The following AUTS2 variants were observed in gnomAD, a reference collection of about 807,000 sequenced individuals.
AUTS2 encodes activator of transcription and developmental regulator AUTS2, also known as autism susceptibility gene 2 protein.
AUTS2 carries 17 observed loss-of-function variants against 112.4 expected under a neutral mutation model. That is an observed-to-expected ratio of 0.15 (90% CI 0.10 to 0.23). AUTS2 has a LOEUF of 0.23. AUTS2 is among the 10% of genes least tolerant of loss of function. AUTS2 has a pLI of 1.00. For synonymous variants in AUTS2, 751 were observed against 702.7 expected, an observed-to-expected ratio of 1.07 and a Z score of -1.09; for missense variants, 1,510 against 1,701.6, an observed-to-expected ratio of 0.89 and a Z score of 1.98.
chr7:70,560,816 G>A (rs1016829725), intron 5 of AUTS2, among the ~76,000 whole-genome samples: 21 of 152,264 alleles, frequency 1.4e-4, no homozygotes, highest in African/African-American at 9.6e-5. Flanking sequence ...CTGAAACAAC[G>A]TGTAATAATC....
At chr7:70,762,719 C>T (rs1172645507) in intron 6 of AUTS2, 151 bp from the exon 7 acceptor site, 63 of 689,306 alleles carry the variant, frequency 9.1e-5, no homozygotes, top group Middle Eastern at 4.2e-4. Context: ...CGCATACCCC[C>T]GCAGGTGGTG....
At chr7:70,282,917 C>G (rs2129610779) in intron 4 of AUTS2, among the ~76,000 whole-genome samples, 1 of 152,236 alleles carries the variant, frequency 6.6e-6, no homozygotes. Flanking sequence ...GCATTGCTAC[C>G]TCTTTAAACA....
At chr7:69,624,074 T>C (rs145408927) in intron 1 of AUTS2, among the ~76,000 whole-genome samples, 10 of 152,342 alleles carry the variant, frequency 6.6e-5, no homozygotes, top group African/African-American at 2.4e-4. Flanking sequence ...TTTATCTATG[T>C]TTTGATTCAG....
At chr7:70,769,536 T>C (rs1237158700) in intron 10 of AUTS2, among the ~76,000 whole-genome samples, 1 of 152,044 alleles carries the variant, frequency 6.6e-6, no homozygotes. Context: ...ATACAAAACA[T>C]TAGCCGGGCG....
At chr7:70,334,267 A>T (rs1790890299) in intron 4 of AUTS2, among the ~76,000 whole-genome samples, 1 of 152,068 alleles carries the variant, frequency 6.6e-6, no homozygotes, top group South Asian at 2.1e-4. Context: ...ATTCCCTTCT[A>T]TTTCTAGTTT....
chr7:70,187,626 C>T (rs1202799310), intron 4 of AUTS2, among the ~76,000 whole-genome samples: 2 of 152,124 alleles, frequency 1.3e-5, no homozygotes, highest in African/African-American at 4.8e-5. Context: ...CTACTTTTGG[C>T]ATTATAATCA....
chr7:70,718,168 G>C (rs1235918140), intron 6 of AUTS2, among the ~76,000 whole-genome samples: 4 of 152,070 alleles, frequency 2.6e-5, no homozygotes, highest in African/African-American at 7.2e-5. Context: ...AGTCACCTGT[G>C]GGGGAAGAGC....
At chr7:70,154,065 T>C (rs1378339873) in intron 4 of AUTS2, among the ~76,000 whole-genome samples, 1 of 152,210 alleles carries the variant, frequency 6.6e-6, no homozygotes, top group Non-Finnish European at 1.5e-5. Flanking sequence ...CTCCCACTGT[T>C]TTTCAATTCA....
At chr7:70,037,199 C>G (rs1554433124) in intron 2 of AUTS2, among the ~76,000 whole-genome samples, 2 of 151,818 alleles carry the variant, frequency 1.3e-5, no homozygotes, top group Non-Finnish European at 2.9e-5. Flanking sequence ...GATAAAAATA[C>G]AGAGAGAGAA....
chr7:70,363,844 T>C (rs533416447), intron 4 of AUTS2, among the ~76,000 whole-genome samples: 2 of 152,344 alleles, frequency 1.3e-5, no homozygotes, highest in South Asian at 4.1e-4. Flanking sequence ...CCTCCTTCTA[T>C]GGACTCTTAC....
chr7:70,161,402 T>C (rs773265316), intron 4 of AUTS2, among the ~76,000 whole-genome samples: 22 of 151,962 alleles, frequency 1.4e-4, no homozygotes, highest in Non-Finnish European at 2.9e-4. Context: ...TACACCAGTT[T>C]CTTAGGGTGA....
At chr7:70,484,578 A>G (rs1225351906) in intron 5 of AUTS2, among the ~76,000 whole-genome samples, 2 of 152,162 alleles carry the variant, frequency 1.3e-5, no homozygotes, top group Non-Finnish European at 2.9e-5. Context: ...TGCCCTCCCC[A>G]GGGGGCTCCC....
intron 1 of AUTS2, among the ~76,000 whole-genome samples, chr7:69,720,773 C>T (rs568724600): frequency 2.8e-4 from 42 of 152,162 alleles, no homozygotes; most frequent in South Asian, 1.9e-3. Flanking sequence ...GCTGTTATTA[C>T]GGGAAAAGGA....
chr7:70,719,287 A>G (rs1810541028), intron 6 of AUTS2, among the ~76,000 whole-genome samples: 1 of 152,186 alleles, frequency 6.6e-6, no homozygotes, highest in Non-Finnish European at 1.5e-5. Context: ...GCTCAATTAA[A>G]AGGAGTGTAC....
chr7:70,062,040 G>A (rs1050430221), intron 2 of AUTS2, among the ~76,000 whole-genome samples: 44 of 151,760 alleles, frequency 2.9e-4, no homozygotes, highest in African/African-American at 1.0e-3. Flanking sequence ...CACCCACCTC[G>A]GCCTCCCAAA....
At chr7:70,269,802 T>C (rs1403714375) in intron 4 of AUTS2, among the ~76,000 whole-genome samples, 4 of 152,216 alleles carry the variant, frequency 2.6e-5, no homozygotes, top group Non-Finnish European at 5.9e-5. Context: ...TTGGTAGATA[T>C]ATTATTCTTA....
At chr7:69,949,581 GAAGCCACTATCAGATATATAGTCT>G (rs1178085124) in intron 2 of AUTS2, among the ~76,000 whole-genome samples, 1 of 152,118 alleles carries the variant, frequency 6.6e-6, no homozygotes, top group Non-Finnish European at 1.5e-5. Context: ...CCTCCCAATT[GAAGCCACTATCAGATATATAGTCT>G]AAACTTAGAT....
chr7:70,325,952 A>G (rs756108859), intron 4 of AUTS2, among the ~76,000 whole-genome samples: 1 of 152,190 alleles, frequency 6.6e-6, no homozygotes, highest in East Asian at 1.9e-4. Context: ...GTGACTCAGC[A>G]ATCAAACTGT....
intron 4 of AUTS2, among the ~76,000 whole-genome samples, chr7:70,249,844 GTTTTAAGTAAAATATTAATA>G (rs953647877): frequency 1.5e-4 from 22 of 149,830 alleles, no homozygotes; most frequent in Middle Eastern, 3.4e-3. Flanking sequence ...ATCAAATTAT[GTTTTAAGTAAAATATTAATA>G]TTTTAAGTAA....
Sources: gnomAD v4.1 joint callset for allele counts (sites outside exome capture counted in the v4.1 genomes callset) on GRCh38, gnomAD v4.1.1 for gene constraint, MANE v1.5 for transcripts, NCBI Gene and HGNC (gene_info 2026-07-23, HGNC 2026-07-21) for gene names.